The following ALS2CL variants were observed in gnomAD, a reference collection of about 807,000 sequenced individuals.
ALS2CL encodes ALS2 C-terminal-like protein.
A neutral mutation model predicts 127.9 loss-of-function variants in ALS2CL; 112 were observed. The observed-to-expected ratio is 0.88, with a 90% CI of 0.75 to 1.02. The LOEUF (loss-of-function observed/expected upper bound fraction) is 1.02. ALS2CL is among the 50% of genes least tolerant of loss of function. The pLI is 0.00. For synonymous variants in ALS2CL, 519 were observed against 527.6 expected (o/e 0.98, Z 0.22); for missense variants, 1,174 against 1,236.7 (o/e 0.95, Z 0.76).
At chr3:46,687,296 T>C (rs1699865280) in intron 4 of ALS2CL, 148 bp from the exon 5 acceptor site, 3 of 902,478 alleles carry the variant, frequency 3.3e-6, no homozygotes, top group Non-Finnish European at 4.8e-6. Context: ...ACACAGTACC[T>C]GAGTTGCCCT....
At chr3:46,677,477 C>G in intron 16 of ALS2CL, 1 of 847,786 alleles carries the variant, frequency 1.2e-6, no homozygotes, top group Non-Finnish European at 1.4e-6. Context: ...CCCTGCACTC[C>G]AGTGTCATGC....
intron 13 of ALS2CL, chr3:46,680,991 C>A (rs548956369): frequency 3.3e-6 from 2 of 605,224 alleles, no homozygotes; most frequent in African/African-American, 1.9e-5. Flanking sequence ...AGTTTTTAGA[C>A]GTGACAGAGC....
rs773948013 is a variant in ALS2CL, at chr3:46,676,983, C to A, written c.1797G>T (p.Trp599Cys). The change falls in exon 17 of 26, where the codon TGG becomes TGT. Residue 599 changes from tryptophan to cysteine, a missense_variant. By Grantham distance (215) the Trp-to-Cys change is radical (BLOSUM62 -2). Transcript: ENST00000318962. ...GVGAFPVESR[W>C]QGVYSPFRDF... The stretch of plus-strand genomic sequence containing the variant: ...CCCGGAAGGGGCTGTAGACTCCCTG[C>A]CAGCGGCTTTCCACGGGGAAGGCAC... 1 of 1,611,738 alleles carries A rather than the reference C, an allele frequency of 6.2e-7. No homozygotes were observed.
chr3:46,671,144 T>C lies in ALS2CL; in HGVS notation c.2782-80A>G, dbSNP rs138204155. On this transcript the variant is annotated intron_variant, in intron 25 of 25. Transcript: ENST00000318962. ...TGCACAGGATCTAGGGCTCAATAGC[T>C]GTGTGCACCCACCTCCCAACCCAGA... 914 of 1,432,506 alleles carry C rather than the reference T, an allele frequency of 6.4e-4. 5 individuals carry two copies. The African/African-American group carries it at 0.012, about 19-fold the overall frequency. The allele number at this position is 1,432,506 out of a possible 1,614,324, so 88.7% of individuals were successfully genotyped here.
At position 46,686,878 on chromosome 3, in the gene ALS2CL, T is replaced by C; in HGVS notation, c.534+105A>G. 1 of 1,294,410 alleles carries C rather than the reference T, an allele frequency of 7.7e-7. No homozygotes were observed. Among genetic ancestry groups the C allele is most frequent in the Non-Finnish European group, 1.0e-6 (1 of 987,014 alleles). The allele number at this position is 1,294,410 out of a possible 1,614,324, so 80.2% of individuals were successfully genotyped here. A position where few individuals can be genotyped will look rare whatever the true frequency, so the allele number is the denominator to read the frequency against. On this transcript the variant is annotated intron_variant, in intron 5 of 25. Transcript: ENST00000318962. This position sits in a 1 kb window ranked among gnomAD's most constrained non-coding sequence, Gnocchi z 4.3. ...TCTCCCACCTGCCGGCATGGCTGAG[T>C]CCTTCTTGTACTAGGGTTCCTGAGT...
intron 16 of ALS2CL, chr3:46,677,348 A>G (rs1006602934): frequency 7.9e-6 from 9 of 1,137,140 alleles, no homozygotes; most frequent in Non-Finnish European, 9.7e-6. Flanking sequence ...ACCAGTGTCC[A>G]AAGTCTGGGA....
chr3:46,678,370 T>C lies in ALS2CL; in HGVS notation c.1646A>G (p.Asn549Ser), dbSNP rs140347863. ...LMGKGKVTFP[N>S]GFTLEGSFGS... ...GAACGAGCCCTCCAGGGTGAAGCCATTGGGGAAGGTGACCTTGCCCTGGGA... is the reference window on the plus strand; with the variant it reads ...GAACGAGCCCTCCAGGGTGAAGCCACTGGGGAAGGTGACCTTGCCCTGGGA... Residue 549 changes from asparagine (N) to serine (S), a missense_variant, in exon 16 of 26, where the codon AAT becomes AGT. Asn to Ser is a conservative substitution (Grantham distance 46). Coordinates refer to ENST00000318962, the MANE Select transcript of ALS2CL (RefSeq NM_147129.5). 7.8e-4 allele frequency: 1,251 copies of C among 1,612,422 alleles called. 2 individuals carry two copies. The highest frequency in any genetic ancestry group is 1.8e-3 in the Admixed American group (105 of 59,944).
intron 16 of ALS2CL, chr3:46,677,475 T>C: frequency 1.2e-6 from 1 of 852,946 alleles, no homozygotes; most frequent in Non-Finnish European, 1.4e-6. Flanking sequence ...AGCCCTGCAC[T>C]CCAGTGTCAT....
chr3:46,680,782 C>G, intron 13 of ALS2CL: 1 of 563,440 alleles, frequency 1.8e-6, no homozygotes, highest in Non-Finnish European at 3.2e-6. Flanking sequence ...GCAGGAAGGA[C>G]AGGGGGAATA....
intron 8 of ALS2CL, 63 bp from the exon 9 acceptor site, chr3:46,683,911 CAG>C: frequency 6.2e-7 from 1 of 1,613,614 alleles, no homozygotes; most frequent in Non-Finnish European, 8.5e-7. Flanking sequence ...GGGCCCAAGC[CAG>C]AGTCCCAGGG....
At chr3:46,675,376 G>A (rs1575413041) in intron 20 of ALS2CL, 2 of 518,290 alleles carry the variant, frequency 3.9e-6, no homozygotes, top group East Asian at 6.5e-5. Flanking sequence ...ATGAGATTGG[G>A]ATCATACATT....
intron 18 of ALS2CL, 103 bp downstream of exon 18, chr3:46,676,539 G>T (rs1342122244): frequency 2.0e-6 from 3 of 1,532,516 alleles, no homozygotes; most frequent in East Asian, 2.3e-5. Flanking sequence ...GGATCCACAG[G>T]CCTGTCCCCT....
chr3:46,684,849 G>A (rs76699143), intron 7 of ALS2CL, among the ~76,000 whole-genome samples: 7,464 of 152,332 alleles, frequency 0.049, 321 homozygotes, highest in South Asian at 0.13. Flanking sequence ...GGCTTCAGGG[G>A]ACACAGGTCT....
rs775134849 is a variant in ALS2CL at position 46,688,107 on chromosome 3, G to T, written c.293C>A (p.Ala98Asp). 6.2e-7 allele frequency: 1 copy of T among 1,613,074 alleles called. No homozygotes were observed. Among genetic ancestry groups the T allele is most frequent in the African/African-American group, 1.3e-5 (1 of 74,916 alleles). The change falls in exon 3 of 26, where the codon GCC becomes GAC. Residue 98 changes from alanine (A) to aspartate (D), a missense_variant. By Grantham distance (126) the Ala-to-Asp change is moderately radical. Transcript: ENST00000318962. ...LLRGADRVLQAHIEYIESYTS... is the reference protein window; with the variant it reads ...LLRGADRVLQDHIEYIESYTS... ...CCTCCAGTGGTCTTACTCTATGTGG[G>T]CCTGCAGTACACGGTCAGCACCTCG...
Position 46,684,018 on chromosome 3 carries a change from C to T in ALS2CL, c.816G>A (p.Lys272=). 1 of 1,569,834 alleles carries T rather than the reference C, an allele frequency of 6.4e-7. No individual in the cohort carries two copies. The highest frequency in any genetic ancestry group is 8.6e-7 in the Non-Finnish European group (1 of 1,156,424). Residue 272 remains lysine, a synonymous_variant, in exon 8 of 26, where the codon AAG becomes AAA. Transcript: ENST00000318962. ...CCTGCCCAGGATCCACCCACACCAG[C>T]TTCAGATCAAAGGTGTGGACATTGT... The part of the protein sequence containing the change: ...QGHNVHTFDL[K]LVWVDPGQDG...
chr3:46,677,906 A>G (rs1008760517), intron 16 of ALS2CL, among the ~76,000 whole-genome samples: 2 of 150,592 alleles, frequency 1.3e-5, no homozygotes, highest in Non-Finnish European at 2.9e-5. Context: ...ACATGTCTAC[A>G]TATCCCTTTC....
At chr3:46,673,230 CT>C in intron 22 of ALS2CL, 108 bp downstream of exon 22, 2 of 950,364 alleles carry the variant, frequency 2.1e-6, no homozygotes, top group Non-Finnish European at 3.0e-6. Flanking sequence ...CACCCTGCCC[CT>C]CCCCAGCTCC....
chr3:46,683,981 T>C lies in ALS2CL; in HGVS notation c.845+8A>G. The stretch of plus-strand genomic sequence containing the variant: ...AGGCCTGGGGTGTCAGCCGAGGGGG[T>C]TGCTCACCCGTCCTGCCCAGGATCC... On this transcript the variant is annotated splice_region_variant and intron_variant, in intron 8 of 25. Transcript: ENST00000318962. 4.4e-6 allele frequency: 7 copies of C among 1,595,864 alleles called. No homozygotes were observed. Among genetic ancestry groups the C allele is most frequent in the African/African-American group, 2.7e-5 (2 of 74,294 alleles).
In ALS2CL at chr3:46,676,280, C is replaced by T. The variant is rs1698806475; in HGVS notation, c.2151G>A (p.Val717=). 6.2e-7 allele frequency: 1 copy of T among 1,613,638 alleles called. No individual in the cohort carries two copies. Among genetic ancestry groups the T allele is most frequent in the Non-Finnish European group, 8.5e-7 (1 of 1,179,928 alleles). The stretch of plus-strand genomic sequence containing the variant: ...CCCAGAGTTCCTGGGCATGCTGCTT[C>T]ACCTCCTCCTGGGCCAGCTCCTGCA... ...KHLQELAQEE[V]KQHAQELWAA... is the part of the protein sequence containing the mutation. Residue 717 remains valine (V), a synonymous_variant, in exon 19 of 26, where the codon GTG becomes GTA. Transcript: ENST00000318962.
Sources: gnomAD v4.1 joint callset for allele counts (sites outside exome capture counted in the v4.1 genomes callset) on GRCh38, gnomAD v4.1.1 for gene constraint, Gnocchi (gnomAD v3.1) non-coding constraint, MANE v1.5 for transcripts, NCBI Gene and HGNC (gene_info 2026-07-23, HGNC 2026-07-21) for gene names.